Variants in CNTN6 observed in about 807,000 individuals in gnomAD.
The protein encoded by CNTN6 is contactin-6.
In CNTN6, 137 loss-of-function variants were observed where a neutral mutation model predicts 122.8. The observed-to-expected ratio is 1.12, with a 90% CI of 0.97 to 1.29. The LOEUF is 1.29. Ranked by LOEUF, CNTN6 falls within the 50% of genes most tolerant of loss-of-function variation. The probability of loss-of-function intolerance (pLI) is 0.00; values close to 1 mark genes in which losing one functional copy is unlikely to be tolerated. For synonymous variants in CNTN6, 570 were observed against 426.0 expected (o/e 1.34, Z -4.16); for missense variants, 1,634 against 1,223.4 (o/e 1.34, Z -5.01).
At chr3:1,181,945 GACA>G (rs138186268) in intron 2 of CNTN6, among the ~76,000 whole-genome samples, 1,888 of 152,060 alleles carry the variant, frequency 0.012, 35 homozygotes, top group African/African-American at 0.035. Context: ...TCATCGCTCT[GACA>G]ACGTCACTGC....
chr3:1,387,834 G>C (rs139848114), intron 20 of CNTN6, among the ~76,000 whole-genome samples: 2 of 151,866 alleles, frequency 1.3e-5, no homozygotes, highest in East Asian at 3.9e-4. Context: ...ACTCCCACCC[G>C]AATATTGCGC....
intron 20 of CNTN6, among the ~76,000 whole-genome samples, chr3:1,388,459 G>C (rs1402909387): frequency 1.3e-5 from 2 of 151,608 alleles, no homozygotes; most frequent in African/African-American, 2.4e-5. Flanking sequence ...CACAAAGATG[G>C]GGAAAAAACA....
intron 12 of CNTN6, among the ~76,000 whole-genome samples, chr3:1,366,727 C>T (rs1050951145): frequency 1.1e-4 from 16 of 152,104 alleles, no homozygotes; most frequent in African/African-American, 3.6e-4. Context: ...CAATCAATGG[C>T]CTCATGGCTA....
intron 17 of CNTN6, among the ~76,000 whole-genome samples, chr3:1,379,254 C>A (rs1710316414): frequency 6.6e-6 from 1 of 152,148 alleles, no homozygotes; most frequent in Admixed American, 6.5e-5. Context: ...CAAACCATGA[C>A]CTATGAGACA....
At chr3:1,243,850 G>T (rs138086463) in intron 4 of CNTN6, among the ~76,000 whole-genome samples, 42 of 152,148 alleles carry the variant, frequency 2.8e-4, no homozygotes, top group African/African-American at 9.9e-4. Context: ...GGACGGGAAA[G>T]GTCAGATGGG....
At chr3:1,282,801 A>C (rs556457812) in intron 5 of CNTN6, among the ~76,000 whole-genome samples, 103 of 152,290 alleles carry the variant, frequency 6.8e-4, no homozygotes, top group Non-Finnish European at 1.3e-3. Context: ...ATCTATTATA[A>C]TTCTTCCCTA....
chr3:1,402,179 A>T (rs1560052862), intron 21 of CNTN6, 139 bp from the exon 22 acceptor site: 8 of 595,682 alleles, frequency 1.3e-5, no homozygotes. Context: ...TATAAGGAAA[A>T]GACATCACTT....
Position 1,396,212 on chromosome 3 carries a change from T to C in CNTN6, c.2705-5221T>C, listed in dbSNP as rs149462930. 5.5e-3 allele frequency among the ~76,000 whole-genome samples: 834 copies of C among 152,306 alleles called. 8 individuals carry two copies. Among genetic ancestry groups the C allele is most frequent in the African/African-American group, 0.019 (798 of 41,584 alleles). On this transcript the variant is annotated intron_variant, in intron 20 of 22. Transcript: ENST00000446702. ...TCTTCTAGCCCTGACATCTCAAACTTACTGATCTTCTAAAGTTTAACATTC... is the reference window on the plus strand; with the variant it reads ...TCTTCTAGCCCTGACATCTCAAACTCACTGATCTTCTAAAGTTTAACATTC...
In CNTN6 at chr3:1,281,943, C is replaced by T. The variant is rs868148223; in HGVS notation, c.454+3435C>T. ...TATACAAAACTTTTTTTTAATAAGG[C>T]AGGCCTATCAAATATATTTTAGTGT... On this transcript the variant is annotated intron_variant, in intron 5 of 22. Coordinates refer to ENST00000446702, the MANE Select transcript of CNTN6 (RefSeq NM_001289080.2). Among the ~76,000 whole-genome samples, 5 of 151,536 alleles carry T rather than the reference C, an allele frequency of 3.3e-5. No homozygotes were observed. The South Asian group carries it at 1.0e-3, about 32-fold the overall frequency.
intron 2 of CNTN6, among the ~76,000 whole-genome samples, chr3:1,157,192 T>TTATTCA (rs1491571408): frequency 6.8e-6 from 1 of 146,972 alleles, no homozygotes; most frequent in African/African-American, 2.5e-5. Flanking sequence ...AATTATACTC[T>TTATTCA]TTTATTTATT....
chr3:1,308,287 T>TTGTGTGTGTGTGTGTGTGTG (rs113198519), intron 7 of CNTN6, among the ~76,000 whole-genome samples: 11 of 144,826 alleles, frequency 7.6e-5, no homozygotes, highest in Non-Finnish European at 1.1e-4. Context: ...ATGGGGTGTT[T>TTGTGTGTGTGTGTGTGTGTG]TGTGTGTGTG....
At chr3:1,349,992 G>A (rs1252889448) in intron 11 of CNTN6, among the ~76,000 whole-genome samples, 1 of 151,426 alleles carries the variant, frequency 6.6e-6, no homozygotes, top group Non-Finnish European at 1.5e-5. Context: ...AAATCAATTT[G>A]GTTACTAGTT....
At chr3:1,156,310 C>A (rs1027706688) in intron 2 of CNTN6, among the ~76,000 whole-genome samples, 2 of 152,126 alleles carry the variant, frequency 1.3e-5, no homozygotes, top group Admixed American at 1.3e-4. Flanking sequence ...CTCCTGAAAC[C>A]TTGATTCTGT....
intron 1 of CNTN6, among the ~76,000 whole-genome samples, chr3:1,119,175 T>C (rs986969391): frequency 3.4e-4 from 52 of 152,014 alleles, no homozygotes; most frequent in African/African-American, 1.2e-3. Flanking sequence ...AAACTATTAG[T>C]AACGTAGTGA....
At chr3:1,315,392 A>C (rs1699948393) in intron 7 of CNTN6, among the ~76,000 whole-genome samples, 1 of 151,986 alleles carries the variant, frequency 6.6e-6, no homozygotes, top group Non-Finnish European at 1.5e-5. Flanking sequence ...AGGAATTAGA[A>C]GGTAGATCAC....
chr3:1,202,967 T>A (rs938344358), intron 2 of CNTN6, among the ~76,000 whole-genome samples: 1 of 152,168 alleles, frequency 6.6e-6, no homozygotes, highest in Non-Finnish European at 1.5e-5. Flanking sequence ...TTTATGAAGT[T>A]TAAACTGATG....
At position 1,199,624 on chromosome 3, in the gene CNTN6, C is replaced by T. The variant is rs529409984; in HGVS notation, c.56-21063C>T. Among the ~76,000 whole-genome samples the T allele has an allele frequency of 1.0e-3, 152 of 152,270 alleles. 1 individual carries two copies. Among genetic ancestry groups the T allele is most frequent in the African/African-American group, 3.5e-3 (145 of 41,550 alleles). ...ATATTGCAATTAAAAACTTTGTTCT[C>T]TCTGCTGCCTATTTGTTTTGGTTCC... On this transcript the variant is annotated intron_variant, in intron 2 of 22. Coordinates refer to ENST00000446702, the MANE Select transcript of CNTN6 (RefSeq NM_001289080.2).
At chr3:1,323,433 A>T (rs1445465198) in intron 8 of CNTN6, among the ~76,000 whole-genome samples, 1 of 151,710 alleles carries the variant, frequency 6.6e-6, no homozygotes, top group African/African-American at 2.4e-5. Flanking sequence ...TAGGGGAATA[A>T]TGGATACTTA....
At chr3:1,105,105 C>G (rs560218285) in intron 1 of CNTN6, among the ~76,000 whole-genome samples, 70 of 152,124 alleles carry the variant, frequency 4.6e-4, no homozygotes, top group African/African-American at 1.6e-3. Context: ...ACTAAATTGT[C>G]CTTTAGGAAG....
Sources: allele counts gnomAD v4.1 joint callset (sites outside exome capture counted in the v4.1 genomes callset), GRCh38; gene constraint gnomAD v4.1.1; transcripts MANE v1.5; gene names NCBI Gene and HGNC (gene_info 2026-07-23, HGNC 2026-07-21).